HACE1: variants seen among roughly 807,000 people sequenced by gnomAD.
The protein encoded by HACE1 is E3 ubiquitin-protein ligase HACE1.
Under a neutral mutation model 118.4 loss-of-function variants are expected in HACE1, and 73 were observed. The observed-to-expected ratio is 0.62, with a 90% CI of 0.51 to 0.75. The LOEUF (loss-of-function observed/expected upper bound fraction) is 0.75, where lower values mean the gene tolerates loss of function less well. Among genes scored for constraint, HACE1 ranks in the 30% least tolerant of loss-of-function variants. HACE1 has a pLI of 0.00. For missense variants in HACE1, 749 were observed against 1,102.2 expected (o/e 0.68, Z 4.54); for synonymous variants, 368 against 374.8 (o/e 0.98, Z 0.21).
At chr6:104,848,053 C>T (rs1775829737) in intron 4 of HACE1, among the ~76,000 whole-genome samples, 1 of 151,512 alleles carries the variant, frequency 6.6e-6, no homozygotes, top group African/African-American at 2.4e-5. Context: ...GGTTTCACCA[C>T]GTTGGTCAGA....
chr6:104,769,422 A>C (rs1383594989), intron 19 of HACE1, among the ~76,000 whole-genome samples: 1 of 152,198 alleles, frequency 6.6e-6, no homozygotes, highest in Non-Finnish European at 1.5e-5. Flanking sequence ...TATCAAAGGC[A>C]ATCATTGCTT....
intron 14 of HACE1, among the ~76,000 whole-genome samples, chr6:104,781,233 C>T (rs9499971): frequency 0.034 from 5,129 of 152,146 alleles, 273 homozygotes; most frequent in African/African-American, 0.12. Context: ...GTTTATGTTG[C>T]CATCATTATT....
intron 22 of HACE1, among the ~76,000 whole-genome samples, chr6:104,742,650 A>C (rs1478323238): frequency 6.6e-6 from 1 of 151,228 alleles, no homozygotes; most frequent in Non-Finnish European, 1.5e-5. Flanking sequence ...ATCATTAAAA[A>C]GTCAGGAAAC....
chr6:104,766,091 A>G (rs1334691404), intron 19 of HACE1, among the ~76,000 whole-genome samples: 3 of 152,180 alleles, frequency 2.0e-5, no homozygotes, highest in Non-Finnish European at 4.4e-5. Context: ...AGAGCAGAAA[A>G]TAAGCAAAAG....
At position 104,752,248 on chromosome 6, in the gene HACE1, T is replaced by C. The variant is rs537533882; in HGVS notation, c.2212-1776A>G. 7.5e-4 allele frequency among the ~76,000 whole-genome samples: 114 copies of C among 152,274 alleles called. 1 individual carries two copies. The South Asian group carries it at 0.023, about 31-fold the overall frequency. The stretch of plus-strand genomic sequence containing the variant: ...TCAGCTACAAGTCACATACAGGTAC[T>C]TATTATAGAGAGGGAGACAGAAATG... On this transcript the variant is annotated intron_variant, in intron 19 of 23. Coordinates refer to ENST00000262903, the MANE Select transcript of HACE1 (RefSeq NM_020771.4).
At chr6:104,739,780 T>C (rs1335880101) in intron 22 of HACE1, among the ~76,000 whole-genome samples, 1 of 151,020 alleles carries the variant, frequency 6.6e-6, no homozygotes, top group South Asian at 2.1e-4. Context: ...TCAACAAGGA[T>C]ACCCAGGAAT....
At chr6:104,857,373 A>G (rs1424274682) in intron 1 of HACE1, among the ~76,000 whole-genome samples, 1 of 151,764 alleles carries the variant, frequency 6.6e-6, no homozygotes. Flanking sequence ...CCTATGTGGA[A>G]AAGTTTTACT....
chr6:104,744,613 TGG>T lies in HACE1; in HGVS notation c.2344-5_2344-4del. Reference sequence around the variant, plus strand: ...GGCATGCCAGAAAGCAGTAGCTCCTTGGGGGAAGAAGAAAAATATTTCAATAA... The same window carrying T: ...GGCATGCCAGAAAGCAGTAGCTCCTTGGGAAGAAGAAAAATATTTCAATAA... On this transcript the variant is annotated splice_region_variant and splice_polypyrimidine_tract_variant and intron_variant, in intron 20 of 23. Coordinates refer to ENST00000262903, the MANE Select transcript of HACE1 (RefSeq NM_020771.4). 6.6e-7 allele frequency: 1 copy of T among 1,515,410 alleles called. No individual in the cohort carries two copies. Among genetic ancestry groups the T allele is most frequent in the Non-Finnish European group, 9.2e-7 (1 of 1,090,396 alleles). The allele number at this position is 1,515,410 out of a possible 1,614,324, so 93.9% of individuals were successfully genotyped here. A position where few individuals can be genotyped will look rare whatever the true frequency, so the allele number is the denominator to read the frequency against.
intron 19 of HACE1, among the ~76,000 whole-genome samples, chr6:104,757,385 G>T (rs1778843169): frequency 6.6e-6 from 1 of 152,150 alleles, no homozygotes; most frequent in African/African-American, 2.4e-5. Flanking sequence ...GCCTCCGCTG[G>T]TGATACCCAG....
intron 19 of HACE1, among the ~76,000 whole-genome samples, chr6:104,764,659 C>T (rs2114667945): frequency 6.6e-6 from 1 of 152,318 alleles, no homozygotes; most frequent in South Asian, 2.1e-4. Flanking sequence ...TCACCATCAC[C>T]TACACTCAGA....
chr6:104,784,872 G>A, intron 12 of HACE1, 113 bp downstream of exon 12: 1 of 737,630 alleles, frequency 1.4e-6, no homozygotes. Flanking sequence ...TTAAAACAAG[G>A]AGAAAACTTT....
chr6:104,762,026 G>C (rs1360742810), intron 19 of HACE1, among the ~76,000 whole-genome samples: 1 of 152,122 alleles, frequency 6.6e-6, no homozygotes, highest in South Asian at 2.1e-4. Context: ...TTAGAATGGC[G>C]ATCATTAAAA....
At chr6:104,803,321 T>A (rs1770605286) in intron 7 of HACE1, among the ~76,000 whole-genome samples, 1 of 152,060 alleles carries the variant, frequency 6.6e-6, no homozygotes, top group African/African-American at 2.4e-5. Context: ...CTGAAACTAT[T>A]CCAATCAATA....
intron 3 of HACE1, 102 bp from the exon 4 acceptor site, chr6:104,849,348 T>C (rs945548931): frequency 2.5e-6 from 2 of 809,746 alleles, no homozygotes; most frequent in Non-Finnish European, 4.3e-6. Context: ...CAATTTTCTT[T>C]TTGTTTTTCA....
At chr6:104,745,553 A>T (rs1434929294) in intron 20 of HACE1, among the ~76,000 whole-genome samples, 1 of 147,302 alleles carries the variant, frequency 6.8e-6, no homozygotes, top group East Asian at 2.0e-4. Flanking sequence ...CCATTCTCCC[A>T]CCTCAGCCTC....
chr6:104,729,564 T>C lies in HACE1; in HGVS notation c.*98A>G. On this transcript the variant is annotated 3_prime_UTR_variant, in exon 24 of 24. Transcript: ENST00000262903. ...AAATTGGAAGCATCAGCCCTGCCTA[T>C]GGGTTGCATTTAGGCTGCTTTTTTG... is the stretch of plus-strand genomic sequence containing the variant. 1 of 756,500 alleles carries C rather than the reference T, an allele frequency of 1.3e-6. No individual in the cohort carries two copies. The highest frequency in any genetic ancestry group is 2.4e-6 in the Non-Finnish European group (1 of 409,644). The allele number at this position is 756,500 out of a possible 1,614,324, so 46.9% of individuals were successfully genotyped here.
At position 104,784,416 on chromosome 6, in the gene HACE1, C is replaced by A; in HGVS notation, c.1478+1G>T. 6.2e-7 allele frequency: 1 copy of A among 1,600,586 alleles called. No individual in the cohort carries two copies. Among genetic ancestry groups the A allele is most frequent in the Non-Finnish European group, 8.6e-7 (1 of 1,167,878 alleles). On this transcript the variant is annotated splice_donor_variant, in intron 13 of 23. Transcript: ENST00000262903. LOFTEE classifies it high-confidence loss of function. ...GTACTCCACAAACCCAGAAAGCTTA[C>A]CTATTAACAAAGCATTTTAAAACTT... is the stretch of plus-strand genomic sequence containing the variant.
rs373556285 is a variant in HACE1, at chr6:104,744,155, C to T, written c.2513+5G>A. The T allele has an allele frequency of 1.5e-4, 237 of 1,532,074 alleles. No individual in the cohort carries two copies. The highest frequency in any genetic ancestry group is 2.0e-4 in the Non-Finnish European group (224 of 1,105,576). The allele number at this position is 1,532,074 out of a possible 1,614,324, so 94.9% of individuals were successfully genotyped here. ...TTTCCATATTATCATAAAAATACTG[C>T]TTACCTGCCCGTAACAAACTGTAAG... is the stretch of plus-strand genomic sequence containing the variant. On this transcript the variant is annotated splice_donor_5th_base_variant and intron_variant, in intron 22 of 23. Coordinates refer to ENST00000262903, the MANE Select transcript of HACE1 (RefSeq NM_020771.4).
At chr6:104,766,766 C>T (rs1025961848) in intron 19 of HACE1, 2 of 152,160 alleles carry the variant, frequency 1.3e-5, no homozygotes, top group Non-Finnish European at 2.9e-5. Context: ...TTTGTGCCCT[C>T]GGGCAGTTAT....
Sources: allele counts gnomAD v4.1 joint callset (sites outside exome capture counted in the v4.1 genomes callset), GRCh38; gene constraint gnomAD v4.1.1; transcripts MANE v1.5; gene names NCBI Gene and HGNC (gene_info 2026-07-23, HGNC 2026-07-21).